TMEM183A: variants seen among roughly 807,000 people sequenced by gnomAD.
The protein encoded by TMEM183A is chromosome 1 open reading frame 37.
Under a neutral mutation model 46.7 loss-of-function variants are expected in TMEM183A, and 21 were observed. The ratio of observed to expected loss-of-function variants is 0.45; its 90% confidence interval spans 0.32 to 0.65. The LOEUF (loss-of-function observed/expected upper bound fraction) is 0.65. TMEM183A is among the 30% of genes least tolerant of loss of function. The pLI, the probability that TMEM183A is intolerant of heterozygous loss-of-function variation, is 0.04. For missense variants in TMEM183A, 331 were observed against 481.9 expected (o/e 0.69, Z 2.93); for synonymous variants, 165 against 180.2 (o/e 0.92, Z 0.68).
rs1054294310 is a variant in TMEM183A, at chr1:203,013,988, C to T, written c.368-901C>T. On this transcript the variant is annotated intron_variant, in intron 3 of 7. Transcript: ENST00000367242. The surrounding 1 kb of genome is among the most constrained non-coding windows in gnomAD (Gnocchi z 4.0). ...CAGGATGGTCTCGATCTCTTGACCT[C>T]GTGATCTGCCTGCCTTGGCCTCCCA... Among the ~76,000 whole-genome samples, 4 of 152,198 alleles carry T rather than the reference C, an allele frequency of 2.6e-5. No individual in the cohort carries two copies. Among genetic ancestry groups the T allele is most frequent in the East Asian group, 1.9e-4 (1 of 5,146 alleles).
intron 6 of TMEM183A, among the ~76,000 whole-genome samples, chr1:203,019,240 A>G (rs545447383): frequency 5.9e-5 from 9 of 152,326 alleles, no homozygotes; most frequent in Admixed American, 4.6e-4. Flanking sequence ...TCTGGCCCCA[A>G]GCGTTTTGGA....
rs781301118 is a variant in TMEM183A at position 203,008,686 on chromosome 1, G to C, written c.243G>C (p.Glu81Asp). 1.3e-6 allele frequency: 2 copies of C among 1,600,006 alleles called. No individual in the cohort carries two copies. Among genetic ancestry groups the C allele is most frequent in the Admixed American group, 3.5e-5 (2 of 57,506 alleles). Residue 81 changes from glutamate to aspartate, a missense_variant, in exon 3 of 8, where the codon GAG becomes GAC. Glu to Asp is a conservative substitution (Grantham distance 45). Coordinates refer to ENST00000367242, the MANE Select transcript of TMEM183A (RefSeq NM_138391.6). ...CGLEASQVPA[E>D]EALSGAGEPC... ...TGGAAGCCTCTCAGGTTCCTGCAGA[G>C]GAAGCTCTTTCTGGGGCTGGTGAGC... is the stretch of plus-strand genomic sequence containing the variant.
chr1:203,018,432 T>A (rs1422482060), intron 5 of TMEM183A, 49 bp from the exon 6 acceptor site: 1 of 1,573,824 alleles, frequency 6.4e-7, no homozygotes, highest in Non-Finnish European at 8.6e-7. Context: ...GTATTTTGAT[T>A]TTTTTCTTTT....
Position 203,020,957 on chromosome 1 carries a change from G to A in TMEM183A, c.945+9G>A. 1 of 1,577,442 alleles carries A rather than the reference G, an allele frequency of 6.3e-7. No individual in the cohort carries two copies. Among genetic ancestry groups the A allele is most frequent in the Non-Finnish European group, 8.6e-7 (1 of 1,165,228 alleles). ...GAATGATATTTACTCTGGTAAGTGG[G>A]GACTCAGGATGTCATTCTCAGCTCC... On this transcript the variant is annotated intron_variant, in intron 7 of 7. Coordinates refer to ENST00000367242, the MANE Select transcript of TMEM183A (RefSeq NM_138391.6).
intron 4 of TMEM183A, chr1:203,015,751 C>G: frequency 1.7e-6 from 1 of 600,218 alleles, no homozygotes; most frequent in Middle Eastern, 3.5e-4. Flanking sequence ...AAAGTGAGGA[C>G]TTCAACTTTA....
rs1657923057 is a variant in TMEM183A at position 203,023,607 on chromosome 1, G to C, written c.*567G>C. ...TATTTATTGCATACATTTTCTTTTG[G>C]CAGTTTTGGATTTTAGGTATTTTTT... On this transcript the variant is annotated 3_prime_UTR_variant, in exon 8 of 8. Transcript: ENST00000367242. 1 of 152,718 alleles carries C rather than the reference G, an allele frequency of 6.5e-6. No individual in the cohort carries two copies. The highest frequency in any genetic ancestry group is 6.5e-5 in the Admixed American group (1 of 15,304). The allele number at this position is 152,718 out of a possible 1,614,324, so 9.5% of individuals were successfully genotyped here.
rs1444825444 is a variant in TMEM183A, at chr1:203,013,702, A to G, written c.368-1187A>G. On this transcript the variant is annotated intron_variant, in intron 3 of 7. Transcript: ENST00000367242. The surrounding 1 kb of genome is among the most constrained non-coding windows in gnomAD (Gnocchi z 4.0). ...AATTTTTTTGTATTTTTTAGTAGAG[A>G]AGGGGTTTCAGTGTGTTAGCCAGGT... Among the ~76,000 whole-genome samples, 6 of 150,408 alleles carry G rather than the reference A, an allele frequency of 4.0e-5. No individual in the cohort carries two copies. Among genetic ancestry groups the G allele is most frequent in the African/African-American group, 1.5e-4 (6 of 40,700 alleles).
chr1:203,021,027 CTTTTTTTTTTT>C lies in TMEM183A; in HGVS notation c.945+89_945+99del, dbSNP rs869177251. 13 of 697,552 alleles carry C rather than the reference CTTTTTTTTTTT, an allele frequency of 1.9e-5. No individual in the cohort carries two copies. In the Admixed American group the frequency reaches 4.1e-4, roughly 22 times the overall value. The allele number at this position is 697,552 out of a possible 1,614,324, so 43.2% of individuals were successfully genotyped here. A position where few individuals can be genotyped will look rare whatever the true frequency, so the allele number is the denominator to read the frequency against. Reference sequence around the variant, plus strand: ...TTCTGAAAGGAGGTGAACCGCAGCTCTTTTTTTTTTTTTTTTTTTTAAGAGACGTGGTCTCA... The same window carrying C: ...TTCTGAAAGGAGGTGAACCGCAGCTCTTTTTTTTTAAGAGACGTGGTCTCA... On this transcript the variant is annotated intron_variant, in intron 7 of 7. Transcript: ENST00000367242.
intron 4 of TMEM183A, chr1:203,015,705 G>A (rs1261513474): frequency 2.1e-6 from 1 of 479,876 alleles, no homozygotes; most frequent in Non-Finnish European, 3.7e-6. Context: ...ATAATATACC[G>A]ATACCAATTC....
At chr1:203,016,733 G>GTTCT (rs1415920797) in intron 5 of TMEM183A, among the ~76,000 whole-genome samples, 1 of 152,106 alleles carries the variant, frequency 6.6e-6, no homozygotes, top group Admixed American at 6.5e-5. Flanking sequence ...TTCTTTCTGT[G>GTTCT]TTCTAGGCTC....
chr1:203,010,583 ATTCTTCATAC>A (rs1445661459), intron 3 of TMEM183A, among the ~76,000 whole-genome samples: 1 of 152,184 alleles, frequency 6.6e-6, no homozygotes, highest in Non-Finnish European at 1.5e-5. Context: ...CAGTATTGAC[ATTCTTCATAC>A]TTCTTTGTCC....
intron 3 of TMEM183A, among the ~76,000 whole-genome samples, chr1:203,011,369 A>G (rs993044992): frequency 2.0e-5 from 3 of 152,030 alleles, no homozygotes; most frequent in Non-Finnish European, 4.4e-5. Context: ...ATGGCTAATG[A>G]TATTTGCCCA....
At position 203,016,044 on chromosome 1, in the gene TMEM183A, C is replaced by A. The variant is rs1175536154; in HGVS notation, c.612C>A (p.Ile204=). The change falls in exon 5 of 8, where the codon ATC becomes ATA. Residue 204 remains isoleucine, a synonymous_variant. Coordinates refer to ENST00000367242, the MANE Select transcript of TMEM183A (RefSeq NM_138391.6). ...TGCGCTGTCTCCGGGCTTGTGTGATCCGATCTCTGTACCATATGTATGAGC... is the reference window on the plus strand; with the variant it reads ...TGCGCTGTCTCCGGGCTTGTGTGATACGATCTCTGTACCATATGTATGAGC... ...EKLRCLRACV[I]RSLYHMYEPF... is the part of the protein sequence containing the mutation. 1 of 1,614,092 alleles carries A rather than the reference C, an allele frequency of 6.2e-7. No individual in the cohort carries two copies. The highest frequency in any genetic ancestry group is 1.7e-5 in the Admixed American group (1 of 60,024).
chr1:203,016,998 C>T (rs540636938), intron 5 of TMEM183A, among the ~76,000 whole-genome samples: 1 of 152,090 alleles, frequency 6.6e-6, no homozygotes, highest in Non-Finnish European at 1.5e-5. Context: ...ATTCTTCTCC[C>T]CTAGTTTAGC....
At chr1:203,014,635 A>G (rs1656989475) in intron 3 of TMEM183A, among the ~76,000 whole-genome samples, 2 of 149,534 alleles carry the variant, frequency 1.3e-5, no homozygotes, top group Admixed American at 6.7e-5. Context: ...AAAAAAAAAA[A>G]GTTAAACTTC....
At position 203,024,163 on chromosome 1, in the gene TMEM183A, C is replaced by T. The variant is rs1306697545; in HGVS notation, c.*1123C>T. ...AGCCTCTTGAACCATAAGCACTTAG[C>T]GACTTTGCTCTGCCCTGTACTGTGC... On this transcript the variant is annotated 3_prime_UTR_variant, in exon 8 of 8. Coordinates refer to ENST00000367242, the MANE Select transcript of TMEM183A (RefSeq NM_138391.6). 1.3e-5 allele frequency: 2 copies of T among 152,212 alleles called. No individual in the cohort carries two copies. Among genetic ancestry groups the T allele is most frequent in the Non-Finnish European group, 2.9e-5 (2 of 68,044 alleles). 9.4% of individuals were successfully genotyped at this position (152,212 alleles called of 1,614,324 possible).
intron 1 of TMEM183A, 80 bp from the exon 2 acceptor site, chr1:203,007,694 C>T: frequency 1.3e-5 from 21 of 1,587,456 alleles, no homozygotes; most frequent in Middle Eastern, 1.8e-4. Flanking sequence ...GTCCGGGGGC[C>T]TGCAGCGAGG....
At chr1:203,010,210 C>G (rs1246829613) in intron 3 of TMEM183A, among the ~76,000 whole-genome samples, 2 of 151,962 alleles carry the variant, frequency 1.3e-5, no homozygotes, top group African/African-American at 4.8e-5. Flanking sequence ...GCACTTTCAC[C>G]TGTACCTGAG....
chr1:203,011,426 G>A (rs1264142885), intron 3 of TMEM183A, among the ~76,000 whole-genome samples: 1 of 151,934 alleles, frequency 6.6e-6, no homozygotes, highest in Non-Finnish European at 1.5e-5. Flanking sequence ...TATTTTTTGA[G>A]ATGGAGTTTC....
Sources: allele counts gnomAD v4.1 joint callset (sites outside exome capture counted in the v4.1 genomes callset), GRCh38; gene constraint gnomAD v4.1.1; non-coding constraint Gnocchi (gnomAD v3.1); transcripts MANE v1.5; gene names NCBI Gene and HGNC (gene_info 2026-07-23, HGNC 2026-07-21).